ADGRL2: variants seen among roughly 807,000 people sequenced by gnomAD.
The protein encoded by ADGRL2 is calcium-independent alpha-latrotoxin receptor 2.
A neutral mutation model predicts 157.4 loss-of-function variants in ADGRL2; 44 were observed. That is an observed-to-expected ratio of 0.28 (90% CI 0.22 to 0.36). ADGRL2 has a LOEUF of 0.36. Among genes scored for constraint, ADGRL2 ranks in the 10% least tolerant of loss-of-function variants. ADGRL2 has a pLI of 1.00. For synonymous variants in ADGRL2, 585 were observed against 624.7 expected (o/e 0.94, Z 0.95); for missense variants, 1,510 against 1,768.9 (o/e 0.85, Z 2.63).
At chr1:81,587,839 G>T (rs983701890) in intron 3 of ADGRL2, among the ~76,000 whole-genome samples, 1 of 152,044 alleles carries the variant, frequency 6.6e-6, no homozygotes, top group Non-Finnish European at 1.5e-5. Context: ...AGGGATTTTA[G>T]GTTTAGGAGG....
upstream of ADGRL2, among the ~76,000 whole-genome samples, chr1:81,698,991 C>T (rs1468419547): frequency 1.3e-5 from 2 of 152,088 alleles, no homozygotes; most frequent in Non-Finnish European, 2.9e-5. Flanking sequence ...CAGAAAGCTT[C>T]TCCTATTATC....
At chr1:81,839,746 T>C (rs1199552395) in intron 2 of ADGRL2, among the ~76,000 whole-genome samples, 1 of 148,694 alleles carries the variant, frequency 6.7e-6, no homozygotes, top group African/African-American at 2.5e-5. Flanking sequence ...TTCCATCATA[T>C]ATATATATGT....
intron 2 of ADGRL2, among the ~76,000 whole-genome samples, chr1:81,839,830 C>CAT (rs1267566942): frequency 5.1e-5 from 5 of 98,194 alleles, no homozygotes; most frequent in East Asian, 2.9e-4. Flanking sequence ...TGTTTTCCAT[C>CAT]ATATATATAT....
chr1:81,604,570 C>A (rs186672581), intron 3 of ADGRL2, among the ~76,000 whole-genome samples: 2 of 152,304 alleles, frequency 1.3e-5, no homozygotes, highest in East Asian at 1.9e-4. Context: ...GACTGAGATG[C>A]TTTCAAACCT....
chr1:81,737,130 G>A (rs920449453), intron 1 of ADGRL2, among the ~76,000 whole-genome samples: 8 of 152,004 alleles, frequency 5.3e-5, no homozygotes, highest in African/African-American at 1.7e-4. Flanking sequence ...CACCATGCCC[G>A]GCCAACTCCC....
intron 3 of ADGRL2, among the ~76,000 whole-genome samples, chr1:81,636,525 A>G (rs927765940): frequency 1.3e-5 from 2 of 152,140 alleles, no homozygotes; most frequent in East Asian, 1.9e-4. Flanking sequence ...AGGAAACTCT[A>G]ATGGGAATGG....
At chr1:81,600,724 A>G (rs1226134858) in intron 3 of ADGRL2, among the ~76,000 whole-genome samples, 1 of 152,228 alleles carries the variant, frequency 6.6e-6, no homozygotes, top group Non-Finnish European at 1.5e-5. Context: ...AATAAAATAT[A>G]TTTGTTTGTT....
chr1:81,771,818 G>A (rs2086381089), intron 2 of ADGRL2, among the ~76,000 whole-genome samples: 1 of 152,188 alleles, frequency 6.6e-6, no homozygotes, highest in African/African-American at 2.4e-5. Context: ...GGGTAAGTGA[G>A]CAAGAATTAG....
intron 1 of ADGRL2, among the ~76,000 whole-genome samples, chr1:81,755,386 T>C (rs1013188336): frequency 1.3e-5 from 2 of 151,914 alleles, no homozygotes; most frequent in Admixed American, 6.6e-5. Context: ...TTATTATATA[T>C]GTGAGAGATA....
chr1:81,699,080 TGTACAAC>T (rs2083504925), upstream of ADGRL2, among the ~76,000 whole-genome samples: 1 of 152,196 alleles, frequency 6.6e-6, no homozygotes, highest in Admixed American at 6.5e-5. Flanking sequence ...AAAAGCAAAA[TGTACAAC>T]ATACAACATA....
At chr1:81,440,922 G>A (rs1265217664) in intron 1 of ADGRL2, among the ~76,000 whole-genome samples, 1 of 152,036 alleles carries the variant, frequency 6.6e-6, no homozygotes, top group Non-Finnish European at 1.5e-5. Flanking sequence ...TTTCTTGTCT[G>A]GACTGTAACA....
At chr1:81,856,187 A>C (rs1382911461) in intron 2 of ADGRL2, among the ~76,000 whole-genome samples, 1 of 152,056 alleles carries the variant, frequency 6.6e-6, no homozygotes, top group East Asian at 1.9e-4. Context: ...TTCCCTTTGT[A>C]TCTACCTGCT....
chr1:81,835,475 T>A (rs967563423), intron 1 of ADGRL2, among the ~76,000 whole-genome samples: 2 of 152,144 alleles, frequency 1.3e-5, no homozygotes, highest in Non-Finnish European at 2.9e-5. Flanking sequence ...AAACTGCAGG[T>A]TCACTTTTGG....
At chr1:81,839,159 C>T (rs996847229) in intron 2 of ADGRL2, among the ~76,000 whole-genome samples, 1 of 151,896 alleles carries the variant, frequency 6.6e-6, no homozygotes, top group Non-Finnish European at 1.5e-5. Flanking sequence ...TTCTTTTGGG[C>T]CCTTACATGA....
intron 3 of ADGRL2, among the ~76,000 whole-genome samples, chr1:81,920,781 T>C (rs1419463520): frequency 2.0e-5 from 3 of 151,974 alleles, no homozygotes; most frequent in African/African-American, 7.3e-5. Context: ...AAATCTGTGC[T>C]TCCCTTGTTA....
chr1:81,481,919 A>G lies in ADGRL2; in HGVS notation c.-248+36830A>G, dbSNP rs577305062. ...TCATTTTTTCAAGTCAGTTACCAAC[A>G]TAACATATCCTTAGACCCTTCCCAC... On this transcript the variant is annotated intron_variant, in intron 2 of 24. Coordinates refer to the ADGRL2 transcript ENST00000370721. Among the ~76,000 whole-genome samples, 18 of 152,308 alleles carry G rather than the reference A, an allele frequency of 1.2e-4. No homozygotes were observed. The South Asian group carries it at 3.5e-3, about 30-fold the overall frequency.
intron 3 of ADGRL2, among the ~76,000 whole-genome samples, chr1:81,620,356 G>C (rs1046789054): frequency 6.6e-6 from 1 of 152,200 alleles, no homozygotes; most frequent in African/African-American, 2.4e-5. Flanking sequence ...ACTAGCATAT[G>C]AAGTACATGG....
chr1:81,594,274 A>C (rs2081188782), intron 3 of ADGRL2, among the ~76,000 whole-genome samples: 1 of 152,170 alleles, frequency 6.6e-6, no homozygotes, highest in Non-Finnish European at 1.5e-5. Context: ...GATCACAATT[A>C]TTTGACGAGT....
intron 1 of ADGRL2, among the ~76,000 whole-genome samples, chr1:81,345,297 C>A (rs529721524): frequency 6.6e-6 from 1 of 152,336 alleles, no homozygotes; most frequent in East Asian, 1.9e-4. Context: ...GCCTAGGCTG[C>A]ATTCTCTCTC....
Sources: allele counts gnomAD v4.1 joint callset (sites outside exome capture counted in the v4.1 genomes callset), GRCh38; gene constraint gnomAD v4.1.1; transcripts MANE v1.5; gene names NCBI Gene and HGNC (gene_info 2026-07-23, HGNC 2026-07-21).